Variants in RAB27A observed in about 807,000 individuals in gnomAD.
RAB27A encodes the protein RAB27A, member RAS oncogene family, also known as ras-related protein Rab-27A.
In RAB27A, 17 loss-of-function variants were observed where a neutral mutation model predicts 20.8. The ratio of observed to expected loss-of-function variants is 0.82; its 90% CI spans 0.56 to 1.23. RAB27A has a LOEUF of 1.23. Among genes scored for constraint, RAB27A ranks in the 50% most tolerant of loss-of-function variants. The probability of loss-of-function intolerance (pLI) is 0.00; values close to 1 mark genes in which losing one functional copy is unlikely to be tolerated. For synonymous variants in RAB27A, 85 were observed against 92.8 expected (o/e 0.92, Z 0.48); for missense variants, 277 against 266.7 (o/e 1.04, Z -0.27).
intron 2 of RAB27A, among the ~76,000 whole-genome samples, chr15:55,248,391 TG>T (rs1207147158): frequency 1.3e-5 from 2 of 152,184 alleles, no homozygotes; most frequent in African/African-American, 4.8e-5. Context: ...AAAAGTGACA[TG>T]AAACTAACAA....
At chr15:55,211,617 T>G (rs1895030123) in intron 6 of RAB27A, among the ~76,000 whole-genome samples, 1 of 152,206 alleles carries the variant, frequency 6.6e-6, no homozygotes, top group African/African-American at 2.4e-5. Context: ...TCCTAAAACT[T>G]TACTGAATTC....
chr15:55,312,800 A>T (rs2055026863), intron 2 of RAB27A, among the ~76,000 whole-genome samples: 1 of 152,228 alleles, frequency 6.6e-6, no homozygotes, highest in Non-Finnish European at 1.5e-5. Flanking sequence ...CTGTCACGTG[A>T]CTTGACTGTG....
At chr15:55,218,592 TA>T (rs1895420685) in intron 6 of RAB27A, among the ~76,000 whole-genome samples, 1 of 152,234 alleles carries the variant, frequency 6.6e-6, no homozygotes, top group Admixed American at 6.5e-5. Flanking sequence ...TAAATATTTT[TA>T]ATTCCTCTTT....
At chr15:55,247,594 A>C (rs981282826) in intron 2 of RAB27A, among the ~76,000 whole-genome samples, 1 of 152,174 alleles carries the variant, frequency 6.6e-6, no homozygotes, top group African/African-American at 2.4e-5. Context: ...GCAACACAGG[A>C]AAGATGTTAA....
At chr15:55,231,591 C>A (rs1896033529) in intron 3 of RAB27A, among the ~76,000 whole-genome samples, 1 of 152,158 alleles carries the variant, frequency 6.6e-6, no homozygotes, top group Non-Finnish European at 1.5e-5. Context: ...CCCCCTCACT[C>A]AAGCTTTTAG....
chr15:55,296,259 C>A (rs149545504), intron 2 of RAB27A, among the ~76,000 whole-genome samples: 43 of 151,060 alleles, frequency 2.8e-4, no homozygotes, highest in African/African-American at 9.9e-4. Flanking sequence ...GTAAGCCCAG[C>A]ACTTTGGGAG....
chr15:55,302,317 C>T (rs1355022700), intron 2 of RAB27A, among the ~76,000 whole-genome samples: 6 of 152,186 alleles, frequency 3.9e-5, no homozygotes, highest in Non-Finnish European at 8.8e-5. Flanking sequence ...GCGAGTGATC[C>T]CGCCAACCTC....
chr15:55,298,427 G>A (rs555623876), intron 2 of RAB27A, among the ~76,000 whole-genome samples: 3 of 152,234 alleles, frequency 2.0e-5, no homozygotes, highest in African/African-American at 7.2e-5. Context: ...GTTTTTATTA[G>A]GGATTTTCAA....
At chr15:55,304,850 T>C (rs1377557244) in intron 2 of RAB27A, among the ~76,000 whole-genome samples, 2 of 151,008 alleles carry the variant, frequency 1.3e-5, no homozygotes, top group South Asian at 2.1e-4. Context: ...TATATATATA[T>C]GGTGTGTGTG....
chr15:55,284,057 C>G (rs922964998), intron 1 of RAB27A, among the ~76,000 whole-genome samples: 1 of 152,128 alleles, frequency 6.6e-6, no homozygotes, highest in African/African-American at 2.4e-5. Flanking sequence ...GCTGGTAAGA[C>G]TTTATATGAA....
intron 2 of RAB27A, among the ~76,000 whole-genome samples, chr15:55,253,760 G>A (rs1896982129): frequency 6.6e-6 from 1 of 151,684 alleles, no homozygotes; most frequent in African/African-American, 2.4e-5. Flanking sequence ...AAGAGTCGGG[G>A]AATAAACCTC....
chr15:55,225,270 T>C (rs890465470), intron 5 of RAB27A, among the ~76,000 whole-genome samples: 3 of 152,226 alleles, frequency 2.0e-5, no homozygotes, highest in African/African-American at 7.2e-5. Flanking sequence ...GGATCCAGTG[T>C]ACCTAGGGAT....
chr15:55,213,994 G>C (rs910662236), intron 6 of RAB27A, among the ~76,000 whole-genome samples: 17 of 152,222 alleles, frequency 1.1e-4, no homozygotes, highest in African/African-American at 4.1e-4. Context: ...GGGGACCACT[G>C]ATTTAGAGGA....
chr15:55,310,335 C>G (rs956962979), intron 2 of RAB27A, among the ~76,000 whole-genome samples: 4 of 152,104 alleles, frequency 2.6e-5, no homozygotes, highest in Non-Finnish European at 5.9e-5. Context: ...GTCAAGCACA[C>G]CTGGGGCTCT....
chr15:55,248,469 T>G (rs1896770576), intron 2 of RAB27A, among the ~76,000 whole-genome samples: 1 of 152,174 alleles, frequency 6.6e-6, no homozygotes, highest in Non-Finnish European at 1.5e-5. Context: ...CCCTCCTCAA[T>G]AAATTCATAA....
intron 1 of RAB27A, among the ~76,000 whole-genome samples, chr15:55,282,982 G>A (rs1449748484): frequency 6.6e-6 from 1 of 152,202 alleles, no homozygotes; most frequent in Non-Finnish European, 1.5e-5. Flanking sequence ...GAATTGGGGT[G>A]AGGGAGAGGT....
chr15:55,303,692 C>A (rs1407197530), intron 2 of RAB27A, among the ~76,000 whole-genome samples: 1 of 129,704 alleles, frequency 7.7e-6, no homozygotes, highest in Non-Finnish European at 1.6e-5. Context: ...GGCCAGCCGC[C>A]CCGTCCGGGA....
rs1475860998 is a variant in RAB27A, at chr15:55,316,874, G to A, written c.-234+2057C>T. On this transcript the variant is annotated intron_variant, in intron 1 of 5. Transcript: ENST00000563262. ...TCCACACTGCCTGAGATGAAAAACG[G>A]CTGGGATTGAATGACTGCCAAAATA... 2.0e-5 allele frequency among the ~76,000 whole-genome samples: 3 copies of A among 152,100 alleles called. No homozygotes were observed. In the East Asian group the frequency reaches 5.8e-4, roughly 29 times the overall value.
At chr15:55,215,924 C>A (rs1385677119) in intron 6 of RAB27A, among the ~76,000 whole-genome samples, 9 of 117,174 alleles carry the variant, frequency 7.7e-5, no homozygotes, top group African/African-American at 2.8e-4. Context: ...CAAGGCTGGG[C>A]AACAGAGGGA....
Sources: allele counts gnomAD v4.1 joint callset (sites outside exome capture counted in the v4.1 genomes callset), GRCh38; gene constraint gnomAD v4.1.1; transcripts MANE v1.5; gene names NCBI Gene and HGNC (gene_info 2026-07-23, HGNC 2026-07-21).